Variants in CD163L1 observed in about 807,000 individuals in gnomAD.
CD163L1 encodes the protein CD163 molecule like 1, also known as scavenger receptor cysteine-rich type 1 protein M160.
Under a neutral mutation model 165.4 loss-of-function variants are expected in CD163L1, and 124 were observed. That is an observed-to-expected ratio of 0.75 (90% confidence interval 0.65 to 0.87). CD163L1 has a LOEUF of 0.87. Ranked by LOEUF, CD163L1 falls within the 40% of genes least tolerant of loss-of-function variation. The probability of loss-of-function intolerance (pLI) is 0.00; values close to 1 mark genes in which losing one functional copy is unlikely to be tolerated. For synonymous variants in CD163L1, 585 were observed against 662.2 expected, an observed-to-expected ratio of 0.88 and a Z score of 1.79; for missense variants, 1,525 against 1,799.9, an observed-to-expected ratio of 0.85 and a Z score of 2.76.
Position 7,432,885 on chromosome 12 carries a change from G to A in CD163L1, c.446-149C>T, listed in dbSNP as rs1255362616. On this transcript the variant is annotated intron_variant, in intron 3 of 19. Transcript: ENST00000313599. The surrounding 1 kb of genome is among the most constrained non-coding windows in gnomAD (Gnocchi z 4.2). ...CTGAAAATACTTATAGGAGGGGTATGTGAGGCTTTTTTCTAAACACAAATA... is the reference window on the plus strand; with the variant it reads ...CTGAAAATACTTATAGGAGGGGTATATGAGGCTTTTTTCTAAACACAAATA... 2 of 634,792 alleles carry A rather than the reference G, an allele frequency of 3.2e-6. No homozygotes were observed. Among genetic ancestry groups the A allele is most frequent in the Non-Finnish European group, 2.5e-6 (1 of 401,172 alleles). The allele number at this position is 634,792 out of a possible 1,614,324, so 39.3% of individuals were successfully genotyped here.
chr12:7,338,748 C>T, the CD163L1 span, among the ~76,000 whole-genome samples: 3 of 152,088 alleles, frequency 2.0e-5, no homozygotes, highest in Non-Finnish European at 2.9e-5. Context: ...TGGGATGAGG[C>T]TTAGCCAATT....
At chr12:7,439,079 A>T in intron 2 of CD163L1, 1 of 1,582,012 alleles carries the variant, frequency 6.3e-7, no homozygotes, top group East Asian at 2.2e-5. Context: ...GCCATGCTCC[A>T]GCCCTGTGTC....
At chr12:7,439,404 T>C (rs2136651508) in intron 2 of CD163L1, 1 of 1,599,064 alleles carries the variant, frequency 6.3e-7, no homozygotes, top group East Asian at 2.2e-5. Context: ...TGTCCTTAAA[T>C]CAAACTAAAC....
chr12:7,389,971 T>TATATATATAA (rs1555197851), intron 8 of CD163L1, among the ~76,000 whole-genome samples: 2 of 146,574 alleles, frequency 1.4e-5, no homozygotes, highest in Non-Finnish European at 3.0e-5. Context: ...TATATATATA[T>TATATATATAA]ATATATATAT....
the CD163L1 span, chr12:7,322,296 A>G: frequency 7.3e-7 from 1 of 1,370,064 alleles, no homozygotes; most frequent in Non-Finnish European, 1.0e-6. Context: ...TATTTGTTGA[A>G]TGAACTTTGC....
chr12:7,357,549 TG>T lies in CD163L1; in HGVS notation c.4280-64del, dbSNP rs970642665. 4.9e-5 allele frequency: 68 copies of T among 1,379,896 alleles called. No homozygotes were observed. In the East Asian group the frequency reaches 1.5e-3, roughly 31 times the overall value. 85.5% of individuals were successfully genotyped at this position (1,379,896 alleles called of 1,614,324 possible). ...AAAACCTCTCTGCAGAGGGAAGAGC[TG>T]TTAAGTGCAGTGTTTGATCAGCTGG... On this transcript the variant is annotated intron_variant, in intron 18 of 19. Transcript: ENST00000313599.
chr12:7,387,785 T>C (rs1474977378), intron 8 of CD163L1, among the ~76,000 whole-genome samples: 1 of 152,132 alleles, frequency 6.6e-6, no homozygotes, highest in Non-Finnish European at 1.5e-5. Flanking sequence ...GCAATGCAAA[T>C]GTACTAAGAC....
chr12:7,324,335 A>C, the CD163L1 span: 2 of 1,613,970 alleles, frequency 1.2e-6, no homozygotes, highest in Non-Finnish European at 1.7e-6. Context: ...GAGACAGAGG[A>C]GTGATGGACA....
chr12:7,382,069 AAT>A (rs1418683835), intron 8 of CD163L1, among the ~76,000 whole-genome samples: 1 of 148,064 alleles, frequency 6.8e-6, no homozygotes, highest in Non-Finnish European at 1.5e-5. Flanking sequence ...AATTATTTTA[AAT>A]ATATATATAC....
chr12:7,421,590 T>C (rs180816392), intron 4 of CD163L1, among the ~76,000 whole-genome samples: 1 of 13,286 alleles, frequency 7.5e-5, no homozygotes, highest in African/African-American at 1.3e-4. Flanking sequence ...CATATATACA[T>C]ATACATATAT....
In CD163L1 at chr12:7,441,233, G is replaced by A; in HGVS notation, c.45C>T (p.Cys15=). 1 of 1,613,648 alleles carries A rather than the reference G, an allele frequency of 6.2e-7. No homozygotes were observed. Among genetic ancestry groups the A allele is most frequent in the Non-Finnish European group, 8.5e-7 (1 of 1,179,636 alleles). Residue 15 remains cysteine, a synonymous_variant, in exon 2 of 20, where the codon TGC becomes TGT. Coordinates refer to ENST00000313599, the MANE Select transcript of CD163L1 (RefSeq NM_174941.6). ...QNSWHIDFGR[C]CCHQNLFSAV... The stretch of plus-strand genomic sequence containing the variant: ...CAGAGAAAAGGTTCTGATGACAGCA[G>A]CATCTTCCAAAATCTGGAGAAACAA...
At chr12:7,367,093 C>G (rs1947037342) in intron 18 of CD163L1, 143 bp downstream of exon 18, 1 of 434,652 alleles carries the variant, frequency 2.3e-6, no homozygotes, top group South Asian at 7.7e-5. Context: ...TTTATTTTAT[C>G]TATTCCCCGT....
intron 8 of CD163L1, among the ~76,000 whole-genome samples, chr12:7,390,378 T>C (rs779163727): frequency 3.3e-5 from 5 of 152,174 alleles, no homozygotes; most frequent in Non-Finnish European, 7.4e-5. Flanking sequence ...CACAAAGAAA[T>C]GAGAAATATT....
chr12:7,376,627 G>T (rs1947276897), intron 9 of CD163L1, among the ~76,000 whole-genome samples: 2 of 152,152 alleles, frequency 1.3e-5, no homozygotes, highest in Admixed American at 1.3e-4. Flanking sequence ...ATCTAAGGCT[G>T]CAGACTTCCA....
At chr12:7,421,041 A>ATATATATACATATACATATATACGTG (rs1217962587) in intron 4 of CD163L1, among the ~76,000 whole-genome samples, 1 of 108,620 alleles carries the variant, frequency 9.2e-6, no homozygotes, top group African/African-American at 4.7e-5. Context: ...ATATACGTGT[A>ATATATATACATATACATATATACGTG]TATATATGTA....
rs1947083685 is a variant in CD163L1 at position 7,368,945 on chromosome 12, T to C, written c.4060A>G (p.Asn1354Asp). The C allele has an allele frequency of 3.1e-6, 5 of 1,613,470 alleles. No individual in the cohort carries two copies. The highest frequency in any genetic ancestry group is 4.2e-6 in the Non-Finnish European group (5 of 1,179,920). The change falls in exon 16 of 20, where the codon AAT becomes GAT. Residue 1354 changes from asparagine to aspartate, a missense_variant. Coordinates refer to ENST00000313599, the MANE Select transcript of CD163L1 (RefSeq NM_174941.6). This position sits in a 1 kb window ranked among gnomAD's most constrained non-coding sequence, Gnocchi z 4.3. ...RCSGQSLKSL[N>D]ASSGHLALIL... ...CAGAAGACTATACCTGAGGAGGCAT[T>C]CAGTGATTTCAGCGACTGTCCTGAG...
Position 7,374,775 on chromosome 12 carries a change from GTTAATA to G in CD163L1, c.3095-25_3095-20del. 1 of 1,613,840 alleles carries G rather than the reference GTTAATA, an allele frequency of 6.2e-7. No individual in the cohort carries two copies. The highest frequency in any genetic ancestry group is 8.5e-7 in the Non-Finnish European group (1 of 1,179,818). Reference sequence around the variant, plus strand: ...TTGTCCTCTTAGAGGAGAAAGTCCAGTTAATAGGTCACATTCTTTAGAGTTGCAGTG... The same window carrying G: ...TTGTCCTCTTAGAGGAGAAAGTCCAGGGTCACATTCTTTAGAGTTGCAGTG... On this transcript the variant is annotated intron_variant, in intron 12 of 19. Transcript: ENST00000313599. The surrounding 1 kb of genome is among the most constrained non-coding windows in gnomAD (Gnocchi z 5.4).
At chr12:7,409,424 G>A (rs1948090057) in intron 4 of CD163L1, among the ~76,000 whole-genome samples, 2 of 152,046 alleles carry the variant, frequency 1.3e-5, no homozygotes, top group African/African-American at 4.8e-5. Flanking sequence ...AGGGGACAGC[G>A]ATGGTTTCAG....
chr12:7,349,018 C>A (rs901454903), intron 4 of CD163L1, among the ~76,000 whole-genome samples: 6 of 152,176 alleles, frequency 3.9e-5, no homozygotes, highest in Admixed American at 3.9e-4. Flanking sequence ...GACGGTGAAT[C>A]TGGATTTCTG....
Sources: gnomAD v4.1 joint callset for allele counts (sites outside exome capture counted in the v4.1 genomes callset) on GRCh38, gnomAD v4.1.1 for gene constraint, Gnocchi (gnomAD v3.1) non-coding constraint, MANE v1.5 for transcripts, NCBI Gene and HGNC (gene_info 2026-07-23, HGNC 2026-07-21) for gene names.